The following ANK3 variants were observed in gnomAD, a reference collection of about 807,000 sequenced individuals.
ANK3 encodes the protein ankyrin-3.
Under a neutral mutation model 370.9 loss-of-function variants are expected in ANK3, and 57 were observed. That is an observed-to-expected ratio of 0.15 (90% CI 0.12 to 0.19). The LOEUF (loss-of-function observed/expected upper bound fraction) is 0.19. ANK3 is among the 10% of genes least tolerant of loss of function. The pLI is 1.00. For missense variants in ANK3, 4,439 were observed against 5,302.1 expected, an observed-to-expected ratio of 0.84 and a Z score of 5.06; for synonymous variants, 1,929 against 1,946.3, an observed-to-expected ratio of 0.99 and a Z score of 0.23.
upstream of ANK3, among the ~76,000 whole-genome samples, chr10:60,394,616 A>T (rs12766138): frequency 6.6e-6 from 1 of 152,114 alleles, no homozygotes; most frequent in Admixed American, 6.5e-5. Context: ...TCACACCCAC[A>T]CTGGCCTGCA....
At chr10:60,620,328 C>A (rs191402651) in intron 1 of ANK3, among the ~76,000 whole-genome samples, 189 of 152,164 alleles carry the variant, frequency 1.2e-3, no homozygotes, top group African/African-American at 4.2e-3. Context: ...ATATTAGGAC[C>A]ATCCATTTAA....
At chr10:60,159,739 A>G (rs1362691178) in intron 23 of ANK3, among the ~76,000 whole-genome samples, 1 of 152,206 alleles carries the variant, frequency 6.6e-6, no homozygotes, top group Non-Finnish European at 1.5e-5. Context: ...ACGATGGAAT[A>G]AAACTAGAAA....
intron 7 of ANK3, among the ~76,000 whole-genome samples, chr10:60,239,729 T>A (rs766581610): frequency 1.3e-5 from 2 of 151,976 alleles, no homozygotes; most frequent in Non-Finnish European, 2.9e-5. Flanking sequence ...AGATAACGGA[T>A]GGTCCAAAGT....
chr10:60,140,704 G>A (rs2094522885), intron 23 of ANK3: 2 of 1,225,098 alleles, frequency 1.6e-6, no homozygotes, highest in African/African-American at 3.1e-5. Context: ...AACTCCTCTG[G>A]CAAGCCTCTA....
intron 42 of ANK3, chr10:60,043,023 G>A: frequency 8.1e-7 from 1 of 1,235,406 alleles, no homozygotes; most frequent in Non-Finnish European, 1.0e-6. Flanking sequence ...AAAATAACGA[G>A]CAGCCTATCC....
Position 60,677,658 on chromosome 10 carries a change from A to G in ANK3, c.57+55605T>C, listed in dbSNP as rs543023447. 1.5e-4 allele frequency among the ~76,000 whole-genome samples: 23 copies of G among 152,142 alleles called. No homozygotes were observed. In the South Asian group the frequency reaches 4.8e-3, roughly 32 times the overall value. ...ATGGAAGATTTAAAATTATTTATGA[A>G]CGATAAAAGCACTGGCTTTTTCATT... On this transcript the variant is annotated intron_variant, in intron 1 of 43. Coordinates refer to the ANK3 transcript ENST00000373827.
At chr10:60,479,084 A>G (rs1002824904) in intron 2 of ANK3, among the ~76,000 whole-genome samples, 8 of 152,142 alleles carry the variant, frequency 5.3e-5, no homozygotes, top group African/African-American at 1.9e-4. Flanking sequence ...TTTATTTACC[A>G]ATATTTAACA....
intron 1 of ANK3, among the ~76,000 whole-genome samples, chr10:60,660,038 G>A (rs1294993803): frequency 2.0e-5 from 3 of 152,196 alleles, no homozygotes; most frequent in Non-Finnish European, 4.4e-5. Context: ...AGGTAAGTAG[G>A]CAGGTAGGTA....
chr10:60,069,330 G>T lies in ANK3; in HGVS notation c.11551C>A (p.Gln3851Lys). 1.2e-6 allele frequency: 2 copies of T among 1,613,888 alleles called. No individual in the cohort carries two copies. The highest frequency in any genetic ancestry group is 1.7e-6 in the Non-Finnish European group (2 of 1,179,972). The change falls in exon 37 of 44, where the codon CAA becomes AAA. Residue 3851 changes from glutamine to lysine, a missense_variant. This residue lies in a region of ANK3 where 496 missense variants were observed against 529.3 expected (regional missense o/e 0.94). Coordinates refer to ENST00000280772, the MANE Select transcript of ANK3 (RefSeq NM_020987.5). ...RDKQKVLGEQ[Q>K]KTKELIGIRQ... ...ATCCCTATCAATTCCTTTGTTTTTT[G>T]CTGTTCTCCAAGAACTTTCTGCTTA...
At chr10:60,585,787 G>T (rs1261353600) in intron 2 of ANK3, among the ~76,000 whole-genome samples, 1 of 152,152 alleles carries the variant, frequency 6.6e-6, no homozygotes, top group Non-Finnish European at 1.5e-5. Flanking sequence ...ACTTTGGGGG[G>T]CCAAGGTGGG....
chr10:60,047,595 A>AACTT (rs1439759054), intron 42 of ANK3, among the ~76,000 whole-genome samples: 1 of 152,224 alleles, frequency 6.6e-6, no homozygotes, highest in Non-Finnish European at 1.5e-5. Context: ...GAACGGATAG[A>AACTT]ACTTACCATA....
At chr10:60,353,341 T>C (rs1243064645) in intron 1 of ANK3, among the ~76,000 whole-genome samples, 2 of 152,114 alleles carry the variant, frequency 1.3e-5, no homozygotes, top group African/African-American at 4.8e-5. Context: ...GAGTTCACCA[T>C]AACTCTTGTA....
intron 28 of ANK3, among the ~76,000 whole-genome samples, chr10:60,093,749 G>C (rs1390921009): frequency 6.6e-6 from 1 of 152,182 alleles, no homozygotes; most frequent in Non-Finnish European, 1.5e-5. Context: ...CAAATATAAA[G>C]TGAACATGTA....
At chr10:60,579,349 A>AAAAT (rs2077721409) in intron 2 of ANK3, among the ~76,000 whole-genome samples, 11 of 147,530 alleles carry the variant, frequency 7.5e-5, no homozygotes, top group African/African-American at 2.7e-4. Context: ...AAAAAAAAAA[A>AAAAT]AGATATTTCT....
intron 8 of ANK3, among the ~76,000 whole-genome samples, chr10:60,226,567 AGTATATGTATATATACTAT>A (rs1325679940): frequency 1.1e-4 from 3 of 26,976 alleles, no homozygotes; most frequent in African/African-American, 3.7e-4. Flanking sequence ...ATATATACAT[AGTATATGTATATATACTAT>A]GTATATATAC....
chr10:60,140,075 T>C (rs1321310414), intron 23 of ANK3: 1 of 490,472 alleles, frequency 2.0e-6, no homozygotes, highest in African/African-American at 2.0e-5. Context: ...TTCCCCCAGA[T>C]ATATTTTCCA....
At chr10:60,317,006 A>G (rs955670108) in intron 1 of ANK3, among the ~76,000 whole-genome samples, 4 of 152,174 alleles carry the variant, frequency 2.6e-5, no homozygotes, top group African/African-American at 9.7e-5. Flanking sequence ...TCAGCCTCCC[A>G]AAGTGCTGGG....
At chr10:60,162,186 G>A (rs913286095) in intron 23 of ANK3, among the ~76,000 whole-genome samples, 3 of 152,078 alleles carry the variant, frequency 2.0e-5, no homozygotes, top group Non-Finnish European at 4.4e-5. Context: ...AACATTTCAA[G>A]TTGGAATAGC....
chr10:60,315,361 G>C (rs1187034920), intron 1 of ANK3, among the ~76,000 whole-genome samples: 3 of 151,966 alleles, frequency 2.0e-5, no homozygotes, highest in Non-Finnish European at 4.4e-5. Context: ...CTTTCACTGA[G>C]GTGTGCAAAT....
Sources: gnomAD v4.1 joint callset for allele counts (sites outside exome capture counted in the v4.1 genomes callset) on GRCh38, gnomAD v4.1.1 for gene constraint, gnomAD v4.1.1 regional missense constraint, MANE v1.5 for transcripts, NCBI Gene and HGNC (gene_info 2026-07-23, HGNC 2026-07-21) for gene names.